CDH23: variants seen among roughly 807,000 people sequenced by gnomAD.
The protein encoded by CDH23 is cadherin-23.
A neutral mutation model predicts 317.1 loss-of-function variants in CDH23; 189 were observed. The ratio of observed to expected loss-of-function variants is 0.60; its 90% CI spans 0.53 to 0.67. The LOEUF (loss-of-function observed/expected upper bound fraction) is 0.67. CDH23 is among the 30% of genes least tolerant of loss of function. The pLI is 0.00. For synonymous variants in CDH23, 1,839 were observed against 1,876.8 expected, an observed-to-expected ratio of 0.98 and a Z score of 0.52; for missense variants, 4,401 against 4,592.4, an observed-to-expected ratio of 0.96 and a Z score of 1.20.
intron 14 of CDH23, among the ~76,000 whole-genome samples, chr10:71,672,368 T>C (rs1459340163): frequency 6.6e-6 from 1 of 152,072 alleles, no homozygotes; most frequent in Non-Finnish European, 1.5e-5. Context: ...CAGGCCCTGC[T>C]GCAGCCCGGC....
At position 71,397,836 on chromosome 10, in the gene CDH23, A is replaced by T. The variant is rs1196462934; in HGVS notation, c.-6+518A>T. Among the ~76,000 whole-genome samples the T allele has an allele frequency of 6.6e-6, 1 of 152,044 alleles. No individual in the cohort carries two copies. Among genetic ancestry groups the T allele is most frequent in the Non-Finnish European group, 1.5e-5 (1 of 67,996 alleles). ...AGGCACGTAGTTCTCCCCTCCCCTC[A>T]TCAAGTCCCTGTGCCCGCGGGAGAC... On this transcript the variant is annotated intron_variant, in intron 1 of 69. Coordinates refer to ENST00000224721, the MANE Select transcript of CDH23 (RefSeq NM_022124.6). The surrounding 1 kb of genome is among the most constrained non-coding windows in gnomAD (Gnocchi z 4.8).
chr10:71,704,561 A>AGCTG (rs945881049), intron 24 of CDH23, among the ~76,000 whole-genome samples: 1 of 152,174 alleles, frequency 6.6e-6, no homozygotes, highest in African/African-American at 2.4e-5. Flanking sequence ...GGGGTCCTTA[A>AGCTG]GCTGGAACAG....
chr10:71,761,498 G>A, intron 38 of CDH23: 1 of 1,340,358 alleles, frequency 7.5e-7, no homozygotes, highest in African/African-American at 1.5e-5. Context: ...TGTTACCCAT[G>A]CAGCCTCACA....
At chr10:71,536,847 G>A (rs1400556269) in intron 6 of CDH23, among the ~76,000 whole-genome samples, 1 of 152,104 alleles carries the variant, frequency 6.6e-6, no homozygotes, top group African/African-American at 2.4e-5. Context: ...GGTCTCTGGG[G>A]GCCAGGAGAC....
rs548333757 is a variant in CDH23, at chr10:71,585,491, G to T, written c.832+7499G>T. Among the ~76,000 whole-genome samples the T allele has an allele frequency of 2.1e-4, 32 of 152,302 alleles. No homozygotes were observed. The South Asian group carries it at 4.6e-3, about 22-fold the overall frequency. On this transcript the variant is annotated intron_variant, in intron 9 of 69. Coordinates refer to ENST00000224721, the MANE Select transcript of CDH23 (RefSeq NM_022124.6). The stretch of plus-strand genomic sequence containing the variant: ...AACAAACCTGCTGTCCAAAGTGCAG[G>T]TTTAGCCCATTTGTATCCTGTAGCT...
chr10:71,815,289 A>C lies in CDH23; in HGVS notation c.*11A>C. The C allele has an allele frequency of 6.5e-7, 1 of 1,549,176 alleles. No homozygotes were observed. The highest frequency in any genetic ancestry group is 8.8e-7 in the Non-Finnish European group (1 of 1,142,742). On this transcript the variant is annotated 3_prime_UTR_variant, in exon 70 of 70. Coordinates refer to ENST00000224721, the MANE Select transcript of CDH23 (RefSeq NM_022124.6). ...ATCACAGAGCTGTGACTAGACAGGG[A>C]AGCCTTGTGGGTGTGAGCAGCACCC...
At chr10:71,736,927 G>A (rs922631141) in intron 34 of CDH23, among the ~76,000 whole-genome samples, 9 of 152,158 alleles carry the variant, frequency 5.9e-5, no homozygotes, top group African/African-American at 1.9e-4. Context: ...AGCTGAGAGC[G>A]TCAGAATGCA....
chr10:71,576,900 C>T (rs1004231055), intron 8 of CDH23, among the ~76,000 whole-genome samples: 2 of 152,182 alleles, frequency 1.3e-5, no homozygotes, highest in Non-Finnish European at 2.9e-5. Flanking sequence ...AATTGATATT[C>T]GAATGTGCCA....
At chr10:71,402,983 G>T (rs1019142152) in intron 1 of CDH23, among the ~76,000 whole-genome samples, 2 of 152,102 alleles carry the variant, frequency 1.3e-5, no homozygotes, top group Admixed American at 1.3e-4. Context: ...TTAGCCGAGC[G>T]TGGTGGCGGG....
chr10:71,398,157 G>T (rs61853163), intron 1 of CDH23, among the ~76,000 whole-genome samples: 1 of 152,340 alleles, frequency 6.6e-6, no homozygotes, highest in Admixed American at 6.5e-5. Context: ...CTGCCTCCGT[G>T]CTGTGAGCGG....
rs1337498965 is a variant in CDH23 at position 71,788,972 on chromosome 10, T to C, written c.5853T>C (p.Asp1951=). The C allele has an allele frequency of 1.9e-6, 3 of 1,600,386 alleles. No homozygotes were observed. Among genetic ancestry groups the C allele is most frequent in the South Asian group, 2.2e-5 (2 of 90,814 alleles). ...ACTTGCTTCTGATCTTCCTTTCTGA[T>C]GAGAATGACAACCACCCCCTCTTCA... The part of the protein sequence containing the change: ...DYDLLLIFLS[D]ENDNHPLFTK... Residue 1951 remains aspartate, a synonymous_variant, in exon 45 of 70, where the codon GAT becomes GAC. Coordinates refer to ENST00000224721, the MANE Select transcript of CDH23 (RefSeq NM_022124.6).
intron 9 of CDH23, among the ~76,000 whole-genome samples, chr10:71,614,562 C>A (rs991075346): frequency 6.6e-6 from 1 of 152,142 alleles, no homozygotes; most frequent in Non-Finnish European, 1.5e-5. Context: ...CTTCAGAGGG[C>A]CGGGAAGGGA....
At chr10:71,784,176 G>T in intron 41 of CDH23, 111 bp from the exon 42 acceptor site, 1 of 1,234,222 alleles carries the variant, frequency 8.1e-7, no homozygotes, top group Non-Finnish European at 1.1e-6. Context: ...GGCCCCAGCT[G>T]TCCCCCACCT....
intron 38 of CDH23, among the ~76,000 whole-genome samples, chr10:71,752,616 C>G (rs7074978): frequency 1.3e-5 from 2 of 152,036 alleles, no homozygotes; most frequent in African/African-American, 4.8e-5. Context: ...GAGTTCTCTG[C>G]GGGCAGGAGG....
chr10:71,777,607 G>A, intron 38 of CDH23, 73 bp from the exon 39 acceptor site: 3 of 1,362,160 alleles, frequency 2.2e-6, no homozygotes, highest in East Asian at 2.5e-5. Context: ...TTCAGCCCAG[G>A]AGAACAGCCA....
chr10:71,598,321 C>T (rs1046535633), intron 9 of CDH23, among the ~76,000 whole-genome samples: 3 of 152,200 alleles, frequency 2.0e-5, no homozygotes, highest in South Asian at 4.1e-4. Flanking sequence ...AGGAGCAGTG[C>T]CAAGAGCTTC....
chr10:71,680,549 A>G (rs1864578701), intron 17 of CDH23, among the ~76,000 whole-genome samples: 1 of 152,022 alleles, frequency 6.6e-6, no homozygotes, highest in South Asian at 2.1e-4. Flanking sequence ...GGAGTTTGAG[A>G]CCAGCCTGGC....
At chr10:71,719,583 A>G (rs1414038548) in intron 28 of CDH23, 1 of 152,734 alleles carries the variant, frequency 6.5e-6, no homozygotes, top group East Asian at 1.9e-4. Context: ...TCTCCACCAC[A>G]CTTCCCTCTC....
At chr10:71,715,908 A>G (rs769131402) in intron 28 of CDH23, 73 of 1,441,344 alleles carry the variant, frequency 5.1e-5, no homozygotes, top group Non-Finnish European at 6.4e-5. Flanking sequence ...ACCTAGGGGG[A>G]TGTGGGGGCA....
Sources: gnomAD v4.1 joint callset for allele counts (sites outside exome capture counted in the v4.1 genomes callset) on GRCh38, gnomAD v4.1.1 for gene constraint, Gnocchi (gnomAD v3.1) non-coding constraint, MANE v1.5 for transcripts, NCBI Gene and HGNC (gene_info 2026-07-23, HGNC 2026-07-21) for gene names.